The following CNTNAP2 variants were observed in gnomAD, a reference collection of about 807,000 sequenced individuals.
The protein encoded by CNTNAP2 is contactin-associated protein-like 2.
CNTNAP2 carries 98 observed loss-of-function variants against 155.2 expected under a neutral mutation model. The observed-to-expected ratio is 0.63, with a 90% CI of 0.54 to 0.75. The LOEUF (loss-of-function observed/expected upper bound fraction) is 0.75, where lower values mean the gene tolerates loss of function less well. Ranked by LOEUF, CNTNAP2 falls within the 30% of genes least tolerant of loss-of-function variation. CNTNAP2 has a pLI of 0.00. For synonymous variants in CNTNAP2, 651 were observed against 631.2 expected (o/e 1.03, Z -0.47); for missense variants, 1,727 against 1,688.1 (o/e 1.02, Z -0.40).
intron 4 of CNTNAP2, among the ~76,000 whole-genome samples, chr7:147,092,805 T>G (rs1800434852): frequency 6.6e-6 from 1 of 152,178 alleles, no homozygotes; most frequent in African/African-American, 2.4e-5. Context: ...TTAGTGAATT[T>G]TAATAATTAG....
intron 1 of CNTNAP2, among the ~76,000 whole-genome samples, chr7:146,339,609 T>C (rs1801338852): frequency 6.6e-6 from 1 of 152,190 alleles, no homozygotes; most frequent in South Asian, 2.1e-4. Context: ...TTTTTGTATT[T>C]ACATATTTCA....
At chr7:147,687,380 T>C (rs1297969551) in intron 13 of CNTNAP2, among the ~76,000 whole-genome samples, 2 of 152,166 alleles carry the variant, frequency 1.3e-5, no homozygotes, top group East Asian at 1.9e-4. Flanking sequence ...CTGTGAATAT[T>C]GTGATGAAGG....
intron 18 of CNTNAP2, among the ~76,000 whole-genome samples, chr7:148,194,065 G>A: frequency 6.6e-6 from 1 of 151,382 alleles, no homozygotes. Context: ...TGACTTCCTG[G>A]GCTCAGATGA....
At chr7:148,388,262 T>A (rs1241942642) in intron 22 of CNTNAP2, among the ~76,000 whole-genome samples, 1 of 151,430 alleles carries the variant, frequency 6.6e-6, no homozygotes, top group East Asian at 1.9e-4. Context: ...TCATCTAGCA[T>A]TAGGTATATC....
At chr7:147,861,879 G>T (rs1799139194) in intron 13 of CNTNAP2, among the ~76,000 whole-genome samples, 1 of 151,594 alleles carries the variant, frequency 6.6e-6, no homozygotes, top group South Asian at 2.1e-4. Context: ...ACCTGGGCAT[G>T]GTGGTGTACT....
intron 8 of CNTNAP2, among the ~76,000 whole-genome samples, chr7:147,288,847 A>T (rs1422414580): frequency 6.6e-6 from 1 of 152,156 alleles, no homozygotes; most frequent in East Asian, 1.9e-4. Context: ...TTGTCTTGTG[A>T]CCTCACACAC....
At chr7:146,318,848 A>C in intron 1 of CNTNAP2, among the ~76,000 whole-genome samples, 1 of 152,330 alleles carries the variant, frequency 6.6e-6, no homozygotes, top group South Asian at 2.1e-4. Flanking sequence ...TATATATAAT[A>C]ATCTTACATA....
intron 1 of CNTNAP2, among the ~76,000 whole-genome samples, chr7:146,447,179 G>T (rs1796414253): frequency 6.6e-6 from 1 of 151,990 alleles, no homozygotes; most frequent in African/African-American, 2.4e-5. Context: ...GGAACAAATG[G>T]ATGTATTAAT....
At chr7:146,396,388 G>A (rs1795627314) in intron 1 of CNTNAP2, among the ~76,000 whole-genome samples, 1 of 151,852 alleles carries the variant, frequency 6.6e-6, no homozygotes, top group African/African-American at 2.4e-5. Context: ...AGCATCTATT[G>A]TATTTTTAAA....
At chr7:147,880,137 T>C (rs1264788311) in intron 13 of CNTNAP2, among the ~76,000 whole-genome samples, 1 of 152,200 alleles carries the variant, frequency 6.6e-6, no homozygotes, top group Non-Finnish European at 1.5e-5. Context: ...TGGTCAGAAT[T>C]TCCTTGATTC....
chr7:147,081,010 C>T lies in CNTNAP2; in HGVS notation c.551-27137C>T, dbSNP rs1292750191. ...TAAATTTTATTTCATATGACATCAA[C>T]ATAGTGTATATTCAACAAAATATAA... On this transcript the variant is annotated intron_variant, in intron 4 of 23. Coordinates refer to ENST00000361727, the MANE Select transcript of CNTNAP2 (RefSeq NM_014141.6). 4 of 152,066 alleles carry T rather than the reference C, an allele frequency of 2.6e-5. No individual in the cohort carries two copies. In the South Asian group the frequency reaches 6.2e-4, roughly 24 times the overall value. The allele number at this position is 152,066 out of a possible 1,614,324, so 9.4% of individuals were successfully genotyped here. A position where few individuals can be genotyped will look rare whatever the true frequency, so the allele number is the denominator to read the frequency against.
In CNTNAP2 at chr7:147,695,528, C is replaced by T. The variant is rs144621487; in HGVS notation, c.2098+56222C>T. 2.2e-3 allele frequency among the ~76,000 whole-genome samples: 339 copies of T among 152,210 alleles called. 2 individuals carry two copies. The highest frequency in any genetic ancestry group is 0.015 in the East Asian group (77 of 5,178). ...AGTATTTTTACATTCTGGCCGGCAC[C>T]GTGGCTCATGCCTGTAATCCCAGCA... On this transcript the variant is annotated intron_variant, in intron 13 of 23. Transcript: ENST00000361727.
At chr7:146,507,663 G>A (rs976785742) in intron 1 of CNTNAP2, among the ~76,000 whole-genome samples, 1 of 152,094 alleles carries the variant, frequency 6.6e-6, no homozygotes, top group Admixed American at 6.6e-5. Flanking sequence ...CAAAACTTTG[G>A]CAGACAATCC....
intron 14 of CNTNAP2, among the ~76,000 whole-genome samples, chr7:147,917,145 A>G (rs558453230): frequency 2.0e-5 from 3 of 152,242 alleles, no homozygotes; most frequent in Non-Finnish European, 1.5e-5. Flanking sequence ...AACTGTGGCC[A>G]TCACTGGCTT....
intron 21 of CNTNAP2, among the ~76,000 whole-genome samples, chr7:148,366,248 GTA>G (rs1427143422): frequency 6.6e-6 from 1 of 151,828 alleles, no homozygotes; most frequent in African/African-American, 2.4e-5. Flanking sequence ...GTGTATGCAT[GTA>G]TATATGTGTG....
At chr7:146,655,513 T>C (rs1363568990) in intron 1 of CNTNAP2, among the ~76,000 whole-genome samples, 2 of 151,952 alleles carry the variant, frequency 1.3e-5, no homozygotes, top group African/African-American at 2.4e-5. Flanking sequence ...TCTACAAATA[T>C]ATTCTTTCAA....
chr7:147,976,842 A>T (rs12536614), intron 14 of CNTNAP2, among the ~76,000 whole-genome samples: 15,834 of 133,216 alleles, frequency 0.12, 1,093 homozygotes, highest in East Asian at 0.25. Flanking sequence ...GTCATCCAAA[A>T]ATCAGGGTGG....
chr7:148,079,154 G>A (rs1803550721), intron 15 of CNTNAP2, among the ~76,000 whole-genome samples: 1 of 152,206 alleles, frequency 6.6e-6, no homozygotes, highest in African/African-American at 2.4e-5. Flanking sequence ...CCAAATATGA[G>A]TGACCAATGG....
chr7:146,425,696 T>C (rs1718101), intron 1 of CNTNAP2, among the ~76,000 whole-genome samples: 147,230 of 152,218 alleles, frequency 0.97, 71,257 homozygotes, highest in East Asian at 1. Flanking sequence ...TAATTATTGA[T>C]TAACATTCTT....
Sources: allele counts gnomAD v4.1 joint callset (sites outside exome capture counted in the v4.1 genomes callset), GRCh38; gene constraint gnomAD v4.1.1; transcripts MANE v1.5; gene names NCBI Gene and HGNC (gene_info 2026-07-23, HGNC 2026-07-21).